Variants in ADGRL1 observed in about 807,000 individuals in gnomAD.
ADGRL1 encodes CIRL-1.
In ADGRL1, 31 loss-of-function variants were observed where a neutral mutation model predicts 148.9. The observed-to-expected ratio is 0.21, with a 90% confidence interval of 0.16 to 0.28. ADGRL1 has a LOEUF of 0.28. Among genes scored for constraint, ADGRL1 ranks in the 10% least tolerant of loss-of-function variants. The pLI is 1.00. For missense variants in ADGRL1, 1,521 were observed against 2,058.8 expected (o/e 0.74, Z 5.05); for synonymous variants, 937 against 900.3 (o/e 1.04, Z -0.73).
rs761143666 is a variant in ADGRL1 at position 14,166,934 on chromosome 19, C to CG, written c.395-3529dup. On this transcript the variant is annotated intron_variant, in intron 4 of 22. Coordinates refer to ENST00000361434, the MANE Select transcript of ADGRL1 (RefSeq NM_014921.5). ...GTGGGTTGGGGAGAGAAGAAGGGGCCGGGGGAGGGCAGGTCACATAAGTAT... is the reference window on the plus strand; with the variant it reads ...GTGGGTTGGGGAGAGAAGAAGGGGCCGGGGGGAGGGCAGGTCACATAAGTAT... 7.8e-4 allele frequency: 1,090 copies of CG among 1,391,772 alleles called. 2 individuals carry two copies. Among genetic ancestry groups the CG allele is most frequent in the Admixed American group, 2.9e-3 (168 of 57,540 alleles). The allele number at this position is 1,391,772 out of a possible 1,614,324, so 86.2% of individuals were successfully genotyped here.
chr19:14,150,815 C>A lies in ADGRL1; in HGVS notation c.*58G>T. On this transcript the variant is annotated 3_prime_UTR_variant, in exon 23 of 23. Coordinates refer to ENST00000361434, the MANE Select transcript of ADGRL1 (RefSeq NM_014921.5). ...CATCTGTCTCCCTCTCCCACCAGAG[C>A]CCTGCCCAGGGTTCCCTCCCTGGCC... 1 of 1,573,788 alleles carries A rather than the reference C, an allele frequency of 6.4e-7. No individual in the cohort carries two copies. Among genetic ancestry groups the A allele is most frequent in the Non-Finnish European group, 8.6e-7 (1 of 1,162,698 alleles).
rs1969302483 is a variant in ADGRL1 at position 14,160,954 on chromosome 19, G to A, written c.1511-258C>T. ...CCTTCCAGCAAGGCCCATCTTGAACGCCCCCTCTCCACGAAGCACCTGCCA... is the reference window on the plus strand; with the variant it reads ...CCTTCCAGCAAGGCCCATCTTGAACACCCCCTCTCCACGAAGCACCTGCCA... On this transcript the variant is annotated intron_variant, in intron 6 of 22. Transcript: ENST00000361434. This position sits in a 1 kb window ranked among gnomAD's most constrained non-coding sequence, Gnocchi z 5.9. Among the ~76,000 whole-genome samples the A allele has an allele frequency of 1.3e-5, 2 of 152,158 alleles. No homozygotes were observed. The highest frequency in any genetic ancestry group is 1.5e-5 in the Non-Finnish European group (1 of 67,990).
intron 1 of ADGRL1, among the ~76,000 whole-genome samples, chr19:14,205,315 G>C (rs978577249): frequency 1.3e-5 from 2 of 151,940 alleles, no homozygotes; most frequent in Non-Finnish European, 2.9e-5. Context: ...CCGGCCTCCC[G>C]TGCTTTAACC....
chr19:14,189,972 A>G (rs113717126), intron 1 of ADGRL1, among the ~76,000 whole-genome samples: 1,828 of 152,338 alleles, frequency 0.012, 35 homozygotes, highest in African/African-American at 0.042. Flanking sequence ...TCTGTCACCC[A>G]TGCTGGAGTG....
intron 1 of ADGRL1, among the ~76,000 whole-genome samples, chr19:14,203,300 CAT>C (rs1392154993): frequency 5.3e-5 from 8 of 152,154 alleles, no homozygotes; most frequent in African/African-American, 1.7e-4. Context: ...TCCTTGGCCA[CAT>C]GTCTCGCCAG....
At chr19:14,187,045 A>G (rs1333387374) in intron 1 of ADGRL1, among the ~76,000 whole-genome samples, 1 of 152,166 alleles carries the variant, frequency 6.6e-6, no homozygotes, top group Non-Finnish European at 1.5e-5. Flanking sequence ...GGCCCTTACA[A>G]ATCAGCACAC....
chr19:14,183,134 G>C (rs561575104), intron 2 of ADGRL1, among the ~76,000 whole-genome samples: 1 of 152,000 alleles, frequency 6.6e-6, no homozygotes, highest in Non-Finnish European at 1.5e-5. Context: ...TTAAATAAAC[G>C]TCAGCGGGCA....
At chr19:14,158,757 C>T (rs567306983) in intron 11 of ADGRL1, among the ~76,000 whole-genome samples, 1 of 152,338 alleles carries the variant, frequency 6.6e-6, no homozygotes, top group Admixed American at 6.5e-5. Context: ...CAGTTCTAAA[C>T]AGCAGGGCAG....
At chr19:14,205,506 T>C (rs1264734947) in intron 1 of ADGRL1, among the ~76,000 whole-genome samples, 1 of 150,870 alleles carries the variant, frequency 6.6e-6, no homozygotes, top group Non-Finnish European at 1.5e-5. Context: ...ACACGGCTCC[T>C]CTGGGGCGCG....
Position 14,152,923 on chromosome 19 carries a change from G to A in ADGRL1, c.3295-11C>T. 6.2e-7 allele frequency: 1 copy of A among 1,613,350 alleles called. No homozygotes were observed. The highest frequency in any genetic ancestry group is 8.5e-7 in the Non-Finnish European group (1 of 1,179,726). ...GTACTCCTTGTGCACCTGGGAGGTG[G>A]AGGACAGTCAGCTGGCTGGGACACT... On this transcript the variant is annotated splice_polypyrimidine_tract_variant and intron_variant, in intron 18 of 22. Transcript: ENST00000361434. This position sits in a 1 kb window ranked among gnomAD's most constrained non-coding sequence, Gnocchi z 6.1.
rs549220584 is a variant in ADGRL1 at position 14,153,046 on chromosome 19, C to T, written c.3295-134G>A. 38 of 978,818 alleles carry T rather than the reference C, an allele frequency of 3.9e-5. No individual in the cohort carries two copies. In the African/African-American group the frequency reaches 5.5e-4, roughly 14 times the overall value. 60.6% of individuals were successfully genotyped at this position (978,818 alleles called of 1,614,324 possible). A position where few individuals can be genotyped will look rare whatever the true frequency, so the allele number is the denominator to read the frequency against. ...CTTCCAATGACTGTGTTCCCCTGTTCAGCGACTTGCAGGCCACGGAAGCCT... is the reference window on the plus strand; with the variant it reads ...CTTCCAATGACTGTGTTCCCCTGTTTAGCGACTTGCAGGCCACGGAAGCCT... On this transcript the variant is annotated intron_variant, in intron 18 of 22. Transcript: ENST00000361434.
Position 14,166,226 on chromosome 19 carries a change from G to GCCCGCC in ADGRL1, c.395-2826_395-2821dup, listed in dbSNP as rs574475758. Among the ~76,000 whole-genome samples the GCCCGCC allele has an allele frequency of 5.5e-3, 824 of 150,906 alleles. 17 individuals are homozygous for GCCCGCC. Among genetic ancestry groups the GCCCGCC allele is most frequent in the African/African-American group, 0.019 (790 of 40,720 alleles). ...CACCCTTCGCTCCCCCAACCACGAG[G>GCCCGCC]CCCGCCCCCGCCCCCTCGCCCTCAT... On this transcript the variant is annotated intron_variant, in intron 4 of 22. Coordinates refer to ENST00000361434, the MANE Select transcript of ADGRL1 (RefSeq NM_014921.5).
chr19:14,175,459 C>T (rs1300708219), intron 3 of ADGRL1, among the ~76,000 whole-genome samples: 2 of 151,454 alleles, frequency 1.3e-5, no homozygotes, highest in Non-Finnish European at 2.9e-5. Context: ...CAGCCACACC[C>T]GCTCACACAC....
intron 1 of ADGRL1, among the ~76,000 whole-genome samples, chr19:14,193,573 T>A (rs542208006): frequency 2.6e-5 from 4 of 151,308 alleles, no homozygotes; most frequent in African/African-American, 9.7e-5. Flanking sequence ...GGCAAGAGAG[T>A]GGGACCCCAT....
At chr19:14,156,847 C>A in intron 15 of ADGRL1, 78 bp downstream of exon 15, 1 of 1,548,302 alleles carries the variant, frequency 6.5e-7, no homozygotes, top group Non-Finnish European at 8.8e-7. Context: ...GACTACCGCC[C>A]TGAGGGTCCT....
intron 2 of ADGRL1, among the ~76,000 whole-genome samples, chr19:14,180,187 G>A (rs946536848): frequency 4.6e-5 from 7 of 152,138 alleles, no homozygotes; most frequent in African/African-American, 1.7e-4. Context: ...GGACTCCACT[G>A]AAGGGAGTAA....
chr19:14,171,101 C>T, intron 3 of ADGRL1: 1 of 261,780 alleles, frequency 3.8e-6, no homozygotes, highest in South Asian at 4.5e-5. Context: ...AGCACCTCCC[C>T]TGTTCTCTTT....
chr19:14,186,137 C>A (rs1436233329), intron 1 of ADGRL1, among the ~76,000 whole-genome samples: 1 of 152,170 alleles, frequency 6.6e-6, no homozygotes, highest in East Asian at 1.9e-4. Context: ...TGGCTCACTG[C>A]AGCCTCCACC....
rs933777168 is a variant in ADGRL1 at position 14,160,453 on chromosome 19, G to A, written c.1614+140C>T. 5 of 913,806 alleles carry A rather than the reference G, an allele frequency of 5.5e-6. No homozygotes were observed. The highest frequency in any genetic ancestry group is 8.1e-6 in the Non-Finnish European group (5 of 613,542). The allele number at this position is 913,806 out of a possible 1,614,324, so 56.6% of individuals were successfully genotyped here. A position where few individuals can be genotyped will look rare whatever the true frequency, so the allele number is the denominator to read the frequency against. On this transcript the variant is annotated intron_variant, in intron 7 of 22. Transcript: ENST00000361434. This position sits in a 1 kb window ranked among gnomAD's most constrained non-coding sequence, Gnocchi z 5.9. ...CACCCCATCTGTCCCTGCTCCCTTT[G>A]TAGGCCAGGGAGGTGACCCCACAGT...
Sources: allele counts gnomAD v4.1 joint callset (sites outside exome capture counted in the v4.1 genomes callset), GRCh38; gene constraint gnomAD v4.1.1; non-coding constraint Gnocchi (gnomAD v3.1); transcripts MANE v1.5; gene names NCBI Gene and HGNC (gene_info 2026-07-23, HGNC 2026-07-21).